The following SEC14L2 variants were observed in gnomAD, a reference collection of about 807,000 sequenced individuals.
The protein encoded by SEC14L2 is SEC14-like protein 2.
Under a neutral mutation model 56.9 loss-of-function variants are expected in SEC14L2, and 50 were observed. The ratio of observed to expected loss-of-function variants is 0.88; its 90% CI spans 0.70 to 1.11. SEC14L2 has a LOEUF of 1.11. Ranked by LOEUF, SEC14L2 falls within the 50% of genes most tolerant of loss-of-function variation. SEC14L2 has a pLI of 0.00. For missense variants in SEC14L2, 414 were observed against 500.7 expected (o/e 0.83, Z 1.65); for synonymous variants, 179 against 188.5 (o/e 0.95, Z 0.41).
At position 30,416,231 on chromosome 22, in the gene SEC14L2, C is replaced by A; in HGVS notation, c.912-3C>A. ...ATGTCTCAATTGGTGATATCCCCTG[C>A]AGGTGGCAGTTTATGTCAGATGGAG... is the stretch of plus-strand genomic sequence containing the variant. On this transcript the variant is annotated splice_region_variant and splice_polypyrimidine_tract_variant and intron_variant, in intron 10 of 11. Coordinates refer to ENST00000615189, the MANE Select transcript of SEC14L2 (RefSeq NM_012429.5). 1.9e-6 allele frequency: 3 copies of A among 1,613,784 alleles called. No homozygotes were observed. The highest frequency in any genetic ancestry group is 2.5e-6 in the Non-Finnish European group (3 of 1,179,720).
rs1934112822 is a variant in SEC14L2 at position 30,407,002 on chromosome 22, T to A, written c.175-93T>A. The A allele has an allele frequency of 2.3e-6, 3 of 1,278,656 alleles. No individual in the cohort carries two copies. The Admixed American group carries it at 5.4e-5, about 23-fold the overall frequency. The allele number at this position is 1,278,656 out of a possible 1,614,324, so 79.2% of individuals were successfully genotyped here. A position where few individuals can be genotyped will look rare whatever the true frequency, so the allele number is the denominator to read the frequency against. Reference sequence around the variant, plus strand: ...CCTGGCCTCAAGTGATCCACCCGCCTTGGCCTCCCAAAGTGCTGGGATTAC... The same window carrying A: ...CCTGGCCTCAAGTGATCCACCCGCCATGGCCTCCCAAAGTGCTGGGATTAC... On this transcript the variant is annotated intron_variant, in intron 3 of 11. Transcript: ENST00000615189.
intron 11 of SEC14L2, among the ~76,000 whole-genome samples, chr22:30,419,000 T>C (rs1045404838): frequency 6.6e-6 from 1 of 152,194 alleles, no homozygotes; most frequent in African/African-American, 2.4e-5. Flanking sequence ...CACCTAATAT[T>C]TACCAAGGGC....
At chr22:30,399,537 AGAAAC>A in intron 1 of SEC14L2, 101 bp from the exon 2 acceptor site, 1 of 519,760 alleles carries the variant, frequency 1.9e-6, no homozygotes, top group Non-Finnish European at 3.2e-6. Flanking sequence ...AAAAAAAAAA[AGAAAC>A]AAAGAAAGAG....
chr22:30,399,546 GAA>G (rs1933864247), intron 1 of SEC14L2, 95 bp from the exon 2 acceptor site: 2 of 393,956 alleles, frequency 5.1e-6, no homozygotes, highest in Middle Eastern at 6.8e-4. Context: ...AAGAAACAAA[GAA>G]AGAGGCGTCC....
intron 3 of SEC14L2, among the ~76,000 whole-genome samples, chr22:30,406,695 T>A (rs890414824): frequency 6.6e-6 from 1 of 152,168 alleles, no homozygotes; most frequent in Non-Finnish European, 1.5e-5. Flanking sequence ...ACGCTGTCGC[T>A]TATTGCTACA....
chr22:30,409,381 C>T (rs1934187639), intron 6 of SEC14L2, 45 bp from the exon 7 acceptor site: 2 of 1,608,906 alleles, frequency 1.2e-6, no homozygotes, highest in Admixed American at 1.7e-5. Flanking sequence ...GCAATGGGGG[C>T]AGATTCTGAG....
intron 8 of SEC14L2, among the ~76,000 whole-genome samples, chr22:30,412,086 C>G (rs1934265512): frequency 6.6e-6 from 1 of 152,016 alleles, no homozygotes; most frequent in South Asian, 2.1e-4. Context: ...GGAGAGGGAA[C>G]CAGGAGTCAG....
chr22:30,404,647 T>C (rs1176808729), intron 2 of SEC14L2, among the ~76,000 whole-genome samples: 1 of 152,182 alleles, frequency 6.6e-6, no homozygotes, highest in South Asian at 2.1e-4. Context: ...GGAAATTTGA[T>C]AGGGAAGGAT....
chr22:30,416,546 A>T (rs1279139976), intron 11 of SEC14L2, 143 bp downstream of exon 11: 1 of 1,533,132 alleles, frequency 6.5e-7, no homozygotes, highest in East Asian at 2.4e-5. Context: ...CCTTGTATAG[A>T]TGAAGAAATC....
chr22:30,415,919 T>C (rs745795372), intron 9 of SEC14L2, 29 bp from the exon 10 acceptor site: 56 of 1,614,170 alleles, frequency 3.5e-5, no homozygotes, highest in Non-Finnish European at 4.5e-5. Context: ...CAAATGCACA[T>C]TCCAGTTCAC....
intron 4 of SEC14L2, 24 bp from the exon 5 acceptor site, chr22:30,407,391 T>A: frequency 6.2e-7 from 1 of 1,607,740 alleles, no homozygotes; most frequent in Non-Finnish European, 8.5e-7. Flanking sequence ...GCTGACCAGG[T>A]GGCTCCTCTG....
intron 11 of SEC14L2, among the ~76,000 whole-genome samples, chr22:30,418,115 G>A (rs528152274): frequency 2.0e-5 from 3 of 152,134 alleles, no homozygotes; most frequent in South Asian, 2.1e-4. Context: ...ACGAGGTATC[G>A]CTGTGTTGCC....
intron 5 of SEC14L2, among the ~76,000 whole-genome samples, chr22:30,407,827 C>T (rs371589614): frequency 6.6e-6 from 1 of 151,956 alleles, no homozygotes; most frequent in East Asian, 1.9e-4. Flanking sequence ...CCTCGGACTC[C>T]CAAAGTGCTG....
In SEC14L2 at chr22:30,424,956, C is replaced by T. The variant is rs1934629100; in HGVS notation, c.*2549C>T. On this transcript the variant is annotated 3_prime_UTR_variant, in exon 12 of 12. Coordinates refer to ENST00000615189, the MANE Select transcript of SEC14L2 (RefSeq NM_012429.5). ...AGCTCAGTCTGGGGACATACTGATC[C>T]AGTTAAATGCGAGTGCTTCCTAGTT... 1 of 388,544 alleles carries T rather than the reference C, an allele frequency of 2.6e-6. No individual in the cohort carries two copies. The highest frequency in any genetic ancestry group is 5.2e-6 in the Non-Finnish European group (1 of 193,078). 24.1% of individuals were successfully genotyped at this position (388,544 alleles called of 1,614,324 possible).
At chr22:30,399,106 G>C (rs1376244615) in intron 1 of SEC14L2, among the ~76,000 whole-genome samples, 1 of 152,114 alleles carries the variant, frequency 6.6e-6, no homozygotes, top group African/African-American at 2.4e-5. Context: ...GTGGGGCAGG[G>C]GCAGTGTCTC....
At chr22:30,415,682 T>C (rs1376483390) in intron 8 of SEC14L2, 77 bp from the exon 9 acceptor site, 4 of 1,296,478 alleles carry the variant, frequency 3.1e-6, no homozygotes, top group Admixed American at 3.9e-5. Flanking sequence ...GCCTCTTTAG[T>C]GTAGACCACT....
chr22:30,415,338 C>T (rs942207748), intron 8 of SEC14L2, among the ~76,000 whole-genome samples: 3 of 152,230 alleles, frequency 2.0e-5, no homozygotes, highest in South Asian at 2.1e-4. Flanking sequence ...GAGGCTGAGG[C>T]GGAAGAATCA....
chr22:30,411,607 G>C (rs369502585), intron 8 of SEC14L2, among the ~76,000 whole-genome samples: 2 of 151,934 alleles, frequency 1.3e-5, no homozygotes, highest in East Asian at 3.9e-4. Flanking sequence ...TTAGCCAGGC[G>C]TCGTGGTGTG....
chr22:30,423,882 T>G lies in SEC14L2; in HGVS notation c.*1475T>G, dbSNP rs1934592642. On this transcript the variant is annotated 3_prime_UTR_variant, in exon 12 of 12. Transcript: ENST00000615189. ...GCCCACCGCTAGGCTCCTCGCTGCC[T>G]CTCACTCAAGAGGCCCAAACTCAGA... The G allele has an allele frequency of 6.6e-6, 1 of 152,286 alleles. No individual in the cohort carries two copies. Among genetic ancestry groups the G allele is most frequent in the African/African-American group, 2.4e-5 (1 of 41,484 alleles). 9.4% of individuals were successfully genotyped at this position (152,286 alleles called of 1,614,324 possible).
Sources: gnomAD v4.1 joint callset for allele counts (sites outside exome capture counted in the v4.1 genomes callset) on GRCh38, gnomAD v4.1.1 for gene constraint, MANE v1.5 for transcripts, NCBI Gene and HGNC (gene_info 2026-07-23, HGNC 2026-07-21) for gene names.